Variants in UBXN2A observed in about 807,000 individuals in gnomAD.
UBXN2A encodes UBX domain-containing protein 2A.
In UBXN2A, 28 loss-of-function variants were observed where a neutral mutation model predicts 28.4. The ratio of observed to expected loss-of-function variants is 0.99; its 90% CI spans 0.73 to 1.35. The LOEUF (loss-of-function observed/expected upper bound fraction) is 1.35. Ranked by LOEUF, UBXN2A falls within the 40% of genes most tolerant of loss-of-function variation. The pLI is 0.00. For missense variants in UBXN2A, 253 were observed against 297.9 expected, an observed-to-expected ratio of 0.85 and a Z score of 1.11; for synonymous variants, 97 against 103.6, an observed-to-expected ratio of 0.94 and a Z score of 0.39.
At chr2:23,957,989 C>T (rs1333381104) in intron 1 of UBXN2A, among the ~76,000 whole-genome samples, 2 of 152,218 alleles carry the variant, frequency 1.3e-5, no homozygotes, top group Non-Finnish European at 2.9e-5. Flanking sequence ...TTGGCTTCAG[C>T]AATCCTCCTA....
chr2:23,939,519 C>T (rs951697278), upstream of UBXN2A: 1 of 152,550 alleles, frequency 6.6e-6, no homozygotes, highest in Admixed American at 6.5e-5. Flanking sequence ...GACTGTTTCC[C>T]TGGGGTCCGT....
rs190575078 is a variant in UBXN2A at position 23,978,368 on chromosome 2, G to A, written c.287+1293G>A. Among the ~76,000 whole-genome samples the A allele has an allele frequency of 2.4e-3, 365 of 152,302 alleles. 1 individual carries two copies. The highest frequency in any genetic ancestry group is 3.9e-3 in the South Asian group (19 of 4,832). ...TAAAAATTTTAAAAGAATCTGCCGG[G>A]CACAGTGGCTCATGCCTGTCATCCC... On this transcript the variant is annotated intron_variant, in intron 4 of 6. Coordinates refer to ENST00000309033, the MANE Select transcript of UBXN2A (RefSeq NM_181713.4).
intron 1 of UBXN2A, chr2:23,944,059 ACC>A: frequency 1.7e-6 from 1 of 603,974 alleles, no homozygotes; most frequent in Admixed American, 2.2e-5. Context: ...TCCATCTGCC[ACC>A]ATGGCTCTGG....
chr2:23,981,960 G>A (rs1707927420), intron 4 of UBXN2A, among the ~76,000 whole-genome samples: 1 of 152,066 alleles, frequency 6.6e-6, no homozygotes, highest in South Asian at 2.1e-4. Context: ...CACATTGGAA[G>A]AAGAATGGTC....
Position 24,004,063 on chromosome 2 carries a change from A to G in UBXN2A, c.*4196A>G, listed in dbSNP as rs1395679665. ...GTCCTATGGAGAAAGACCTGTTGTCATCAATAACCTTCATTATTCTAACTG... is the reference window on the plus strand; with the variant it reads ...GTCCTATGGAGAAAGACCTGTTGTCGTCAATAACCTTCATTATTCTAACTG... On this transcript the variant is annotated 3_prime_UTR_variant, in exon 7 of 7. Coordinates refer to ENST00000309033, the MANE Select transcript of UBXN2A (RefSeq NM_181713.4). The G allele has an allele frequency of 6.6e-6, 1 of 152,236 alleles. No individual in the cohort carries two copies. 9.4% of individuals were successfully genotyped at this position (152,236 alleles called of 1,614,324 possible). A position where few individuals can be genotyped will look rare whatever the true frequency, so the allele number is the denominator to read the frequency against.
At chr2:23,968,182 C>A (rs1294894602) in intron 2 of UBXN2A, among the ~76,000 whole-genome samples, 1 of 152,140 alleles carries the variant, frequency 6.6e-6, no homozygotes, top group African/African-American at 2.4e-5. Context: ...GCACTGCCTC[C>A]TAGTAGCTTT....
At chr2:23,929,151 C>G (rs1005218498) in intron 1 of UBXN2A, among the ~76,000 whole-genome samples, 1 of 152,042 alleles carries the variant, frequency 6.6e-6, no homozygotes, top group African/African-American at 2.4e-5. Context: ...GAGACAGGGT[C>G]TCACTCTGTC....
At chr2:23,991,721 C>G (rs979319448) in intron 6 of UBXN2A, among the ~76,000 whole-genome samples, 1 of 152,112 alleles carries the variant, frequency 6.6e-6, no homozygotes, top group Non-Finnish European at 1.5e-5. Flanking sequence ...GTCCGCTCAC[C>G]TTGGCCTCCC....
intron 1 of UBXN2A, among the ~76,000 whole-genome samples, chr2:23,942,709 G>A (rs1163302469): frequency 6.6e-6 from 1 of 151,774 alleles, no homozygotes; most frequent in Non-Finnish European, 1.5e-5. Flanking sequence ...GTGAGCCACC[G>A]TGCCCGGCTG....
intron 5 of UBXN2A, 121 bp from the exon 6 acceptor site, chr2:23,984,552 A>G: frequency 1.2e-6 from 1 of 827,220 alleles, no homozygotes; most frequent in South Asian, 4.0e-5. Context: ...GAAGAAACAC[A>G]TATAACTTAA....
intron 6 of UBXN2A, among the ~76,000 whole-genome samples, chr2:23,988,397 C>T (rs1379850087): frequency 2.6e-5 from 4 of 152,146 alleles, no homozygotes; most frequent in Admixed American, 6.6e-5. Flanking sequence ...ACTTAGTTGT[C>T]GTATCTCAGT....
chr2:23,958,231 C>T (rs1296033318), intron 1 of UBXN2A, 70 bp from the exon 2 acceptor site: 2 of 1,278,938 alleles, frequency 1.6e-6, no homozygotes, highest in East Asian at 2.5e-5. Flanking sequence ...TACTTTAGGA[C>T]TACATGGTAA....
chr2:23,959,905 T>C (rs1706819858), intron 2 of UBXN2A, among the ~76,000 whole-genome samples: 1 of 152,128 alleles, frequency 6.6e-6, no homozygotes, highest in Non-Finnish European at 1.5e-5. Context: ...ATATAAACTG[T>C]ACATTGAGCC....
At chr2:23,979,119 G>T (rs969404257) in intron 4 of UBXN2A, among the ~76,000 whole-genome samples, 21 of 151,920 alleles carry the variant, frequency 1.4e-4, no homozygotes, top group African/African-American at 5.1e-4. Flanking sequence ...AAGGTGGGTG[G>T]ATCACCTGAG....
rs1186114808 is a variant in UBXN2A at position 24,000,969 on chromosome 2, T to C, written c.*1102T>C. 6.6e-6 allele frequency: 1 copy of C among 152,168 alleles called. No homozygotes were observed. The highest frequency in any genetic ancestry group is 2.4e-5 in the African/African-American group (1 of 41,446). 9.4% of individuals were successfully genotyped at this position (152,168 alleles called of 1,614,324 possible). A position where few individuals can be genotyped will look rare whatever the true frequency, so the allele number is the denominator to read the frequency against. On this transcript the variant is annotated 3_prime_UTR_variant, in exon 7 of 7. Coordinates refer to ENST00000309033, the MANE Select transcript of UBXN2A (RefSeq NM_181713.4). ...ACATTACTAGTATTTTTTAAATGCA[T>C]CATATAAAGTATGGTTTTCTGTTTC...
In UBXN2A at chr2:23,958,324, G is replaced by A. The variant is rs759705143; in HGVS notation, c.10G>A (p.Val4Ile). 20 of 1,602,682 alleles carry A rather than the reference G, an allele frequency of 1.2e-5. No individual in the cohort carries two copies. Among genetic ancestry groups the A allele is most frequent in the East Asian group, 4.5e-5 (2 of 44,326 alleles). Residue 4 changes from valine (V) to isoleucine (I), a missense_variant, in exon 2 of 7, where the codon GTA becomes ATA. Transcript: ENST00000309033. Reference protein sequence around the residue: MKDVDNLKSIKEEW... With the variant: MKDIDNLKSIKEEW... ...AGTAAGGCGAAAGAGAATGAAAGAC[G>A]TAGATAACCTCAAAAGTATAAAAGA... is the stretch of plus-strand genomic sequence containing the variant.
At chr2:23,976,148 T>C (rs944752181) in intron 3 of UBXN2A, among the ~76,000 whole-genome samples, 1 of 152,192 alleles carries the variant, frequency 6.6e-6, no homozygotes, top group Admixed American at 6.6e-5. Context: ...TGTGTCACAA[T>C]TGGGGATTAA....
intron 1 of UBXN2A, among the ~76,000 whole-genome samples, chr2:23,948,686 C>T (rs961287521): frequency 1.3e-5 from 2 of 152,108 alleles, no homozygotes; most frequent in Non-Finnish European, 2.9e-5. Context: ...AGTTAGGCAG[C>T]TGGGACTCAG....
intron 1 of UBXN2A, among the ~76,000 whole-genome samples, chr2:23,933,570 T>C (rs1232629118): frequency 6.6e-6 from 1 of 151,442 alleles, no homozygotes; most frequent in Non-Finnish European, 1.5e-5. Context: ...GCAAGAGCCA[T>C]AAATTAGTTG....
Sources: gnomAD v4.1 joint callset for allele counts (sites outside exome capture counted in the v4.1 genomes callset) on GRCh38, gnomAD v4.1.1 for gene constraint, MANE v1.5 for transcripts, NCBI Gene and HGNC (gene_info 2026-07-23, HGNC 2026-07-21) for gene names.